PPFIA4: variants seen among roughly 807,000 people sequenced by gnomAD.
PPFIA4 encodes the protein PPFI scaffold protein A4.
In PPFIA4, 98 loss-of-function variants were observed where a neutral mutation model predicts 145.7. That is an observed-to-expected ratio of 0.67 (90% CI 0.57 to 0.80). The LOEUF is 0.80. Ranked by LOEUF, PPFIA4 falls within the 30% of genes least tolerant of loss-of-function variation. PPFIA4 has a pLI of 0.00. For missense variants in PPFIA4, 1,457 were observed against 1,632.7 expected (o/e 0.89, Z 1.85); for synonymous variants, 628 against 649.6 (o/e 0.97, Z 0.51).
intron 2 of PPFIA4, among the ~76,000 whole-genome samples, chr1:203,040,508 C>G (rs1659626465): frequency 6.6e-6 from 1 of 152,190 alleles, no homozygotes; most frequent in Admixed American, 6.5e-5. Flanking sequence ...TGGGGACCTC[C>G]TCTTTCACTG....
rs538412653 is a variant in PPFIA4, at chr1:203,032,042, G to A, written c.-400+5413G>A. 5.9e-4 allele frequency among the ~76,000 whole-genome samples: 5 copies of A among 8,414 alleles called. No homozygotes were observed. The Admixed American group carries it at 6.0e-3, about 10-fold the overall frequency. 5.5% of individuals were successfully genotyped at this position (8,414 alleles called of 152,430 possible). A position where few individuals can be genotyped will look rare whatever the true frequency, so the allele number is the denominator to read the frequency against. Reference sequence around the variant, plus strand: ...TGATGTACAGCCTTTCTGAGAGAACGTGTGTGTGTGTGTGTGTGTGTGTGT... The same window carrying A: ...TGATGTACAGCCTTTCTGAGAGAACATGTGTGTGTGTGTGTGTGTGTGTGT... On this transcript the variant is annotated intron_variant, in intron 1 of 29. Transcript: ENST00000295706.
At position 203,044,084 on chromosome 1, in the gene PPFIA4, C is replaced by G; in HGVS notation, c.490C>G (p.Leu164Val). 1 of 1,591,698 alleles carries G rather than the reference C, an allele frequency of 6.3e-7. No individual in the cohort carries two copies. Among genetic ancestry groups the G allele is most frequent in the Non-Finnish European group, 8.6e-7 (1 of 1,168,408 alleles). ...GTCACTGTTTGAGCACCACAAGGCCCTGGATGAGAAGGTGCCCACCTGCCC... is the reference window on the plus strand; with the variant it reads ...GTCACTGTTTGAGCACCACAAGGCCGTGGATGAGAAGGTGCCCACCTGCCC... ...LKSLFEHHKA[L>V]DEKVRERLRA... Residue 164 changes from leucine (L) to valine (V), a missense_variant, in exon 4 of 30, where the codon CTG becomes GTG. Leu to Val is a conservative substitution (Grantham distance 32). Around this residue, in one of 3 missense-constraint regions of PPFIA4, gnomAD observed 463 missense variants for 459.8 expected, o/e 1.01. Transcript: ENST00000295706.
At chr1:203,065,418 T>C (rs1661664348) in intron 25 of PPFIA4, among the ~76,000 whole-genome samples, 1 of 152,028 alleles carries the variant, frequency 6.6e-6, no homozygotes, top group Non-Finnish European at 1.5e-5. Context: ...TTGATAGGGC[T>C]GGGGAGAGAT....
At chr1:203,063,660 A>C (rs1661542551) in intron 24 of PPFIA4, 168 bp from the exon 25 acceptor site, 4 of 620,452 alleles carry the variant, frequency 6.4e-6, no homozygotes, top group African/African-American at 5.6e-5. Context: ...CTCACCTCCC[A>C]CCACTACCAG....
At chr1:203,054,433 C>T (rs1032246953) in intron 15 of PPFIA4, among the ~76,000 whole-genome samples, 1 of 152,228 alleles carries the variant, frequency 6.6e-6, no homozygotes, top group East Asian at 1.9e-4. Flanking sequence ...AGGATTCAAA[C>T]TCAAGTCTGA....
Position 203,043,607 on chromosome 1 carries a change from C to G in PPFIA4, c.336+109C>G. On this transcript the variant is annotated intron_variant, in intron 3 of 29. Coordinates refer to ENST00000295706, the MANE Select transcript of PPFIA4 (RefSeq NM_001304331.2). The surrounding 1 kb of genome is among the most constrained non-coding windows in gnomAD (Gnocchi z 4.4). ...GAGCAGGCAAGAGTGGGGCCAGGCA[C>G]AGTCCTAGCTCAAGCCCCATCCTTC... 3 of 1,008,682 alleles carry G rather than the reference C, an allele frequency of 3.0e-6. No individual in the cohort carries two copies. The highest frequency in any genetic ancestry group is 4.5e-6 in the Non-Finnish European group (3 of 665,242). The allele number at this position is 1,008,682 out of a possible 1,614,324, so 62.5% of individuals were successfully genotyped here.
rs1479273040 is a variant in PPFIA4 at position 203,075,422 on chromosome 1, C to G, written c.3394-155C>G. Among the ~76,000 whole-genome samples the G allele has an allele frequency of 1.3e-5, 2 of 150,914 alleles. No homozygotes were observed. Among genetic ancestry groups the G allele is most frequent in the African/African-American group, 2.4e-5 (1 of 41,144 alleles). ...CCGATTCACTGTACAGATGGAAAAA[C>G]TCAAGGCTAGAAAGGGGAAGTGACC... is the stretch of plus-strand genomic sequence containing the variant. On this transcript the variant is annotated intron_variant, in intron 28 of 29. Coordinates refer to ENST00000295706, the MANE Select transcript of PPFIA4 (RefSeq NM_001304331.2). The surrounding 1 kb of genome is among the most constrained non-coding windows in gnomAD (Gnocchi z 4.1).
At chr1:203,035,452 CTT>C in intron 1 of PPFIA4, 1 of 424,440 alleles carries the variant, frequency 2.4e-6, no homozygotes, top group Non-Finnish European at 4.8e-6. Context: ...CAAGTTACCT[CTT>C]TTGTGTTTCT....
intron 2 of PPFIA4, among the ~76,000 whole-genome samples, chr1:203,042,605 A>C (rs1042486689): frequency 6.6e-6 from 1 of 152,150 alleles, no homozygotes; most frequent in African/African-American, 2.4e-5. Flanking sequence ...CATTATCTTC[A>C]AAAGCTCTTT....
Position 203,055,351 on chromosome 1 carries a change from G to T in PPFIA4, c.1830-81G>T. 2 of 1,567,530 alleles carry T rather than the reference G, an allele frequency of 1.3e-6. No homozygotes were observed. The highest frequency in any genetic ancestry group is 1.1e-5 in the South Asian group (1 of 87,784). ...TACACCGCATGTGGTCCTTGGTGGC[G>T]AGTGCAGGCATCGACCCGCACTGCC... On this transcript the variant is annotated intron_variant, in intron 15 of 29. Transcript: ENST00000295706. The surrounding 1 kb of genome is among the most constrained non-coding windows in gnomAD (Gnocchi z 4.8).
intron 1 of PPFIA4, chr1:203,035,256 G>C: frequency 2.2e-6 from 1 of 456,598 alleles, no homozygotes; most frequent in Admixed American, 2.3e-5. Context: ...GCCCCGGGCT[G>C]TGGTCTCCGC....
chr1:203,044,051 G>T lies in PPFIA4; in HGVS notation c.457G>T (p.Ala153Ser). Reference sequence around the variant, plus strand: ...CTCCAGTGAGGTGGAGGTGCTGAAGGCCCTCAAGTCACTGTTTGAGCACCA... The same window carrying T: ...CTCCAGTGAGGTGGAGGTGCTGAAGTCCCTCAAGTCACTGTTTGAGCACCA... ...GVSSEVEVLK[A>S]LKSLFEHHKA... Residue 153 changes from alanine to serine, a missense_variant, in exon 4 of 30, where the codon GCC becomes TCC. By Grantham distance (99) the Ala-to-Ser change is moderately conservative (BLOSUM62 1). Coordinates refer to ENST00000295706, the MANE Select transcript of PPFIA4 (RefSeq NM_001304331.2). The T allele has an allele frequency of 6.2e-7, 1 of 1,610,850 alleles. No individual in the cohort carries two copies. The highest frequency in any genetic ancestry group is 1.7e-5 in the Admixed American group (1 of 59,788).
chr1:203,064,099 C>A, intron 25 of PPFIA4, 96 bp downstream of exon 25: 1 of 1,367,556 alleles, frequency 7.3e-7, no homozygotes, highest in Non-Finnish European at 9.9e-7. Context: ...CCATCTCTTT[C>A]CGTGGTCTGT....
Position 203,075,887 on chromosome 1 carries a change from G to A in PPFIA4, c.3574+130G>A, listed in dbSNP as rs942367095. Reference sequence around the variant, plus strand: ...TGCCCCGCGCTCCTGCGCTGCAGCTGCACTAACGCTCCGCGGGGAGCGTGT... The same window carrying A: ...TGCCCCGCGCTCCTGCGCTGCAGCTACACTAACGCTCCGCGGGGAGCGTGT... On this transcript the variant is annotated intron_variant, in intron 29 of 29. Transcript: ENST00000295706. The surrounding 1 kb of genome is among the most constrained non-coding windows in gnomAD (Gnocchi z 4.1). The A allele has an allele frequency of 4.2e-6, 4 of 951,708 alleles. No homozygotes were observed. The highest frequency in any genetic ancestry group is 3.2e-5 in the East Asian group (1 of 31,128). 59.0% of individuals were successfully genotyped at this position (951,708 alleles called of 1,614,324 possible).
intron 25 of PPFIA4, among the ~76,000 whole-genome samples, chr1:203,064,297 C>T (rs369034802): frequency 6.6e-6 from 1 of 152,096 alleles, no homozygotes; most frequent in African/African-American, 2.4e-5. Flanking sequence ...GAGATTTTTC[C>T]CCAGGTCTGA....
In PPFIA4 at chr1:203,048,703, C is replaced by G; in HGVS notation, c.1345C>G (p.Leu449Val). The change falls in exon 11 of 30, where the codon CTG (leucine) becomes GTG (valine). Residue 449 changes from leucine (L) to valine (V), a missense_variant. Coordinates refer to ENST00000295706, the MANE Select transcript of PPFIA4 (RefSeq NM_001304331.2). This position sits in a 1 kb window ranked among gnomAD's most constrained non-coding sequence, Gnocchi z 5.8. ...QLHLKERMAALEEKNTLIQEL... is the reference protein window; with the variant it reads ...QLHLKERMAAVEEKNTLIQEL... Reference sequence around the variant, plus strand: ...CCACCTGAAGGAGCGCATGGCTGCCCTGGAGGAGAAGGTGCCCAGAGGGGC... The same window carrying G: ...CCACCTGAAGGAGCGCATGGCTGCCGTGGAGGAGAAGGTGCCCAGAGGGGC... The G allele has an allele frequency of 6.2e-7, 1 of 1,602,628 alleles. No individual in the cohort carries two copies. The highest frequency in any genetic ancestry group is 8.5e-7 in the Non-Finnish European group (1 of 1,175,540).
intron 25 of PPFIA4, 89 bp from the exon 26 acceptor site, chr1:203,067,606 G>C (rs1661818970): frequency 1.8e-6 from 2 of 1,124,078 alleles, no homozygotes; most frequent in Admixed American, 1.7e-5. Flanking sequence ...AGTAGGTCTG[G>C]ACATGCTGTG....
At chr1:203,064,165 A>G (rs1661580019) in intron 25 of PPFIA4, among the ~76,000 whole-genome samples, 162 bp downstream of exon 25, 2 of 152,210 alleles carry the variant, frequency 1.3e-5, no homozygotes, top group Admixed American at 1.3e-4. Flanking sequence ...AATCCTTGTC[A>G]CATCCTGTAA....
intron 12 of PPFIA4, 107 bp downstream of exon 12, chr1:203,049,087 CAT>C: frequency 9.4e-7 from 1 of 1,058,936 alleles, no homozygotes; most frequent in South Asian, 1.5e-5. Context: ...AGTGTTAGTG[CAT>C]ATGTTAGTGC....
Sources: gnomAD v4.1 joint callset for allele counts (sites outside exome capture counted in the v4.1 genomes callset) on GRCh38, gnomAD v4.1.1 for gene constraint, gnomAD v4.1.1 regional missense constraint, Gnocchi (gnomAD v3.1) non-coding constraint, MANE v1.5 for transcripts, NCBI Gene and HGNC (gene_info 2026-07-23, HGNC 2026-07-21) for gene names.